The following KCTD16 variants were observed in gnomAD, a reference collection of about 807,000 sequenced individuals.
KCTD16 encodes the protein potassium channel tetramerization domain containing 16.
A neutral mutation model predicts 33.2 loss-of-function variants in KCTD16; 13 were observed. That is an observed-to-expected ratio of 0.39 (90% confidence interval 0.25 to 0.62). The LOEUF (loss-of-function observed/expected upper bound fraction) is 0.62. Among genes scored for constraint, KCTD16 ranks in the 20% least tolerant of loss-of-function variants. The pLI, the probability that KCTD16 is intolerant of heterozygous loss-of-function variation, is 0.50. For synonymous variants in KCTD16, 197 were observed against 195.3 expected, an observed-to-expected ratio of 1.01 and a Z score of -0.07; for missense variants, 441 against 525.1, an observed-to-expected ratio of 0.84 and a Z score of 1.57.
rs913642579 is a variant in KCTD16 at position 144,481,805 on chromosome 5, A to G, written c.*7691A>G. 1.3e-5 allele frequency: 2 copies of G among 151,960 alleles called. No individual in the cohort carries two copies. The highest frequency in any genetic ancestry group is 2.4e-5 in the African/African-American group (1 of 41,390). 9.4% of individuals were successfully genotyped at this position (151,960 alleles called of 1,614,324 possible). A position where few individuals can be genotyped will look rare whatever the true frequency, so the allele number is the denominator to read the frequency against. On this transcript the variant is annotated 3_prime_UTR_variant, in exon 4 of 4. Coordinates refer to ENST00000512467, the MANE Select transcript of KCTD16 (RefSeq NM_020768.4). ...AAGTTCATTCAATTCCTAGACTAAC[A>G]TTATTTCTATATGTAGTTCTGATCA...
intron 3 of KCTD16, among the ~76,000 whole-genome samples, chr5:144,288,110 T>C (rs1755798430): frequency 6.6e-6 from 1 of 152,126 alleles, no homozygotes; most frequent in South Asian, 2.1e-4. Context: ...GGAGTAGGGC[T>C]TCAAAATTTA....
intron 3 of KCTD16, among the ~76,000 whole-genome samples, chr5:144,348,553 A>C (rs1050093459): frequency 6.6e-6 from 1 of 152,180 alleles, no homozygotes; most frequent in African/African-American, 2.4e-5. Flanking sequence ...AAGTTTGAGA[A>C]CTTGAGGAAC....
intron 3 of KCTD16, among the ~76,000 whole-genome samples, chr5:144,233,255 A>G (rs1754158684): frequency 6.6e-6 from 1 of 152,146 alleles, no homozygotes; most frequent in African/African-American, 2.4e-5. Context: ...GGTTGTTGTT[A>G]TGGTAGGCAC....
At chr5:144,438,812 A>C (rs1753636010) in intron 3 of KCTD16, among the ~76,000 whole-genome samples, 1 of 152,170 alleles carries the variant, frequency 6.6e-6, no homozygotes. Flanking sequence ...TCAATAGTCA[A>C]AGCTTGTCAG....
chr5:144,426,944 C>T (rs939585179), intron 3 of KCTD16, among the ~76,000 whole-genome samples: 3 of 152,166 alleles, frequency 2.0e-5, no homozygotes, highest in Non-Finnish European at 4.4e-5. Context: ...TTGGAGAACA[C>T]ATTCAAACCA....
chr5:144,444,784 T>G (rs80235332), intron 3 of KCTD16, among the ~76,000 whole-genome samples: 4,424 of 151,506 alleles, frequency 0.029, 199 homozygotes, highest in African/African-American at 0.1. Flanking sequence ...AAATATATTG[T>G]TGTCGTCTAT....
intron 3 of KCTD16, among the ~76,000 whole-genome samples, chr5:144,354,217 A>G (rs1025006163): frequency 2.0e-5 from 3 of 152,058 alleles, no homozygotes; most frequent in African/African-American, 4.8e-5. Flanking sequence ...CTTTTGTTCA[A>G]TTCAATATAT....
chr5:144,294,270 T>C (rs1300722747), intron 3 of KCTD16, among the ~76,000 whole-genome samples: 1 of 152,220 alleles, frequency 6.6e-6, no homozygotes, highest in East Asian at 1.9e-4. Flanking sequence ...AAAATAATGG[T>C]AGAATAATTC....
intron 3 of KCTD16, among the ~76,000 whole-genome samples, chr5:144,404,670 T>C (rs1162111747): frequency 6.6e-6 from 1 of 152,288 alleles, no homozygotes; most frequent in Non-Finnish European, 1.5e-5. Context: ...TCCCTCTTCA[T>C]TGAGAAGCCA....
At position 144,410,789 on chromosome 5, in the gene KCTD16, C is replaced by T. The variant is rs140626329; in HGVS notation, c.833-62871C>T. Reference sequence around the variant, plus strand: ...CTGAAGGTTTGATTATGTCTATAAACGCACAAAATAAGTTATCTTGTGCTA... The same window carrying T: ...CTGAAGGTTTGATTATGTCTATAAATGCACAAAATAAGTTATCTTGTGCTA... On this transcript the variant is annotated intron_variant, in intron 3 of 3. Coordinates refer to ENST00000512467, the MANE Select transcript of KCTD16 (RefSeq NM_020768.4). Among the ~76,000 whole-genome samples the T allele has an allele frequency of 3.8e-3, 575 of 152,150 alleles. 2 individuals are homozygous for T. Among genetic ancestry groups the T allele is most frequent in the Admixed American group, 5.5e-3 (84 of 15,278 alleles).
chr5:144,263,879 A>G (rs781601601), intron 3 of KCTD16, among the ~76,000 whole-genome samples: 20 of 152,240 alleles, frequency 1.3e-4, no homozygotes, highest in Non-Finnish European at 2.9e-4. Flanking sequence ...TCTTGCAGGC[A>G]GCTACCTTTT....
intron 3 of KCTD16, among the ~76,000 whole-genome samples, chr5:144,250,194 C>A (rs1754659644): frequency 6.6e-6 from 1 of 152,082 alleles, no homozygotes; most frequent in African/African-American, 2.4e-5. Context: ...TAATATGTTC[C>A]ACAAACCACA....
intron 3 of KCTD16, among the ~76,000 whole-genome samples, chr5:144,255,479 C>T (rs1580823818): frequency 6.6e-6 from 1 of 152,168 alleles, no homozygotes; most frequent in Non-Finnish European, 1.5e-5. Context: ...CTTCCACATC[C>T]TTGCCAACAC....
At position 144,474,128 on chromosome 5, in the gene KCTD16, G is replaced by A. The variant is rs746496109; in HGVS notation, c.*14G>A. On this transcript the variant is annotated 3_prime_UTR_variant, in exon 4 of 4. Coordinates refer to ENST00000512467, the MANE Select transcript of KCTD16 (RefSeq NM_020768.4). ...TATCATCTATAAGGGAGGGCTGGGG[G>A]CGGGAAAAGAAAAAAAAAAGTCATT... 20 of 1,539,252 alleles carry A rather than the reference G, an allele frequency of 1.3e-5. No homozygotes were observed. Among genetic ancestry groups the A allele is most frequent in the Non-Finnish European group, 1.8e-5 (20 of 1,140,722 alleles).
chr5:144,318,786 C>T (rs1229359992), intron 3 of KCTD16, among the ~76,000 whole-genome samples: 2 of 152,148 alleles, frequency 1.3e-5, no homozygotes, highest in Non-Finnish European at 2.9e-5. Context: ...ATATTCTTCA[C>T]TGGAATGTTC....
intron 3 of KCTD16, among the ~76,000 whole-genome samples, chr5:144,310,244 G>A (rs1044725842): frequency 2.0e-5 from 3 of 151,914 alleles, no homozygotes; most frequent in African/African-American, 7.3e-5. Context: ...TTTTTTATAC[G>A]GTTGAATAGT....
intron 3 of KCTD16, among the ~76,000 whole-genome samples, chr5:144,467,237 C>T (rs935089264): frequency 6.6e-6 from 1 of 151,110 alleles, no homozygotes; most frequent in African/African-American, 2.4e-5. Context: ...AGCAATATGC[C>T]TAAATATTTT....
At chr5:144,304,124 A>G (rs1561560514) in intron 3 of KCTD16, among the ~76,000 whole-genome samples, 1 of 152,230 alleles carries the variant, frequency 6.6e-6, no homozygotes, top group Non-Finnish European at 1.5e-5. Flanking sequence ...GAAATGTCTT[A>G]TAGTAAAGAA....
chr5:144,172,276 A>G (rs1033027569), intron 1 of KCTD16, among the ~76,000 whole-genome samples: 5 of 152,166 alleles, frequency 3.3e-5, no homozygotes, highest in Admixed American at 6.5e-5. Context: ...TATTTGTTTT[A>G]TTTTTGTGGA....
Sources: gnomAD v4.1 joint callset for allele counts (sites outside exome capture counted in the v4.1 genomes callset) on GRCh38, gnomAD v4.1.1 for gene constraint, MANE v1.5 for transcripts, NCBI Gene and HGNC (gene_info 2026-07-23, HGNC 2026-07-21) for gene names.